Variants in MAPK8IP3 observed in about 807,000 individuals in gnomAD.
MAPK8IP3 encodes mitogen-activated protein kinase 8 interacting protein 3, also known as C-Jun-amino-terminal kinase-interacting protein 3.
Under a neutral mutation model 157.8 loss-of-function variants are expected in MAPK8IP3, and 49 were observed. The ratio of observed to expected loss-of-function variants is 0.31; its 90% CI spans 0.25 to 0.39. The LOEUF (loss-of-function observed/expected upper bound fraction) is 0.39. Among genes scored for constraint, MAPK8IP3 ranks in the 10% least tolerant of loss-of-function variants. MAPK8IP3 has a pLI of 1.00. For synonymous variants in MAPK8IP3, 897 were observed against 777.7 expected, an observed-to-expected ratio of 1.15 and a Z score of -2.55; for missense variants, 1,478 against 1,889.4, an observed-to-expected ratio of 0.78 and a Z score of 4.04.
chr16:1,757,528 T>G (rs1489963574), intron 8 of MAPK8IP3, among the ~76,000 whole-genome samples: 3 of 152,148 alleles, frequency 2.0e-5, no homozygotes, highest in Non-Finnish European at 4.4e-5. Context: ...CAGCCTCCTG[T>G]GCAGGGAGGG....
At chr16:1,734,803 C>T (rs938454860) in intron 4 of MAPK8IP3, among the ~76,000 whole-genome samples, 3 of 152,276 alleles carry the variant, frequency 2.0e-5, no homozygotes, top group Non-Finnish European at 4.4e-5. Context: ...ATGAGGGCGC[C>T]GTCCATCCTC....
Position 1,747,170 on chromosome 16 carries a change from G to C in MAPK8IP3, c.889G>C (p.Gly297Arg). The C allele has an allele frequency of 6.2e-7, 1 of 1,614,014 alleles. No individual in the cohort carries two copies. Among genetic ancestry groups the C allele is most frequent in the Non-Finnish European group, 8.5e-7 (1 of 1,180,020 alleles). ...TPLNESLQPL[G>R]DYGVGSKNSK... ...CCTCAACGAGAGCCTGCAGCCCCTG[G>C]GGGACTATGGCGTGGGCTCCAAGAA... The change falls in exon 6 of 32, where the codon GGG (glycine) becomes CGG (arginine). Residue 297 changes from glycine (G) to arginine (R), a missense_variant. Around this residue, in one of 11 missense-constraint regions of MAPK8IP3, gnomAD observed 315 missense variants for 394.4 expected, o/e 0.80. Coordinates refer to ENST00000610761, the MANE Select transcript of MAPK8IP3 (RefSeq NM_001318852.2).
At chr16:1,730,370 G>A (rs1467187091) in intron 4 of MAPK8IP3, among the ~76,000 whole-genome samples, 7 of 152,224 alleles carry the variant, frequency 4.6e-5, no homozygotes, top group East Asian at 1.9e-4. Flanking sequence ...TTGGGAGGCC[G>A]AGGTGGGTGG....
In MAPK8IP3 at chr16:1,738,332, G is replaced by A. The variant is rs533035769; in HGVS notation, c.603-5000G>A. Among the ~76,000 whole-genome samples, 10 of 100,416 alleles carry A rather than the reference G, an allele frequency of 1.0e-4. 1 individual carries two copies. Among genetic ancestry groups the A allele is most frequent in the Admixed American group, 2.1e-4 (2 of 9,458 alleles). 65.9% of individuals were successfully genotyped at this position (100,416 alleles called of 152,430 possible). ...ACCGTCCGTGTGAGCATCCGTGAGC[G>A]TGTGACCGTCCGTGTGTGTGACCAT... On this transcript the variant is annotated intron_variant, in intron 4 of 31. Transcript: ENST00000610761.
At chr16:1,735,579 G>A (rs558073149) in intron 4 of MAPK8IP3, among the ~76,000 whole-genome samples, 73 of 143,864 alleles carry the variant, frequency 5.1e-4, no homozygotes, top group African/African-American at 1.7e-3. Context: ...GTGAGAGTCC[G>A]TGTGACCATC....
Position 1,767,689 on chromosome 16 carries a change from G to A in MAPK8IP3, c.3363G>A (p.Gln1121=). ...GGCTCTACCATGCACACACGCACCA[G>A]CATCTACAGGACGTGGACATTGAGC... ...TLRLYHAHTH[Q]HLQDVDIEPY... The change falls in exon 27 of 32, where the codon CAG becomes CAA. Residue 1121 remains glutamine, a synonymous_variant. Coordinates refer to ENST00000610761, the MANE Select transcript of MAPK8IP3 (RefSeq NM_001318852.2). The A allele has an allele frequency of 6.2e-7, 1 of 1,612,822 alleles. No individual in the cohort carries two copies. Among genetic ancestry groups the A allele is most frequent in the South Asian group, 1.1e-5 (1 of 91,086 alleles).
At chr16:1,747,642 T>C (rs2041045693) in intron 6 of MAPK8IP3, among the ~76,000 whole-genome samples, 1 of 152,246 alleles carries the variant, frequency 6.6e-6, no homozygotes, top group South Asian at 2.1e-4. Context: ...AGGGGGTATC[T>C]ATTAACATAT....
intron 1 of MAPK8IP3, among the ~76,000 whole-genome samples, chr16:1,712,985 C>G (rs1438028607): frequency 6.6e-6 from 1 of 152,242 alleles, no homozygotes; most frequent in African/African-American, 2.4e-5. Context: ...CCTGTTGTTT[C>G]CTTTTCTCGG....
At position 1,706,242 on chromosome 16, in the gene MAPK8IP3, G is replaced by A; in HGVS notation, c.-98G>A. 8.8e-7 allele frequency: 1 copy of A among 1,134,472 alleles called. No homozygotes were observed. The highest frequency in any genetic ancestry group is 3.1e-5 in the East Asian group (1 of 31,786). 70.3% of individuals were successfully genotyped at this position (1,134,472 alleles called of 1,614,324 possible). ...GAGCCCTGAGGCGACAGCAGCTGCG[G>A]GAGGCGACGGGCTGCGGCCTGCGGA... is the stretch of plus-strand genomic sequence containing the variant. On this transcript the variant is annotated 5_prime_UTR_variant, in exon 1 of 32. Transcript: ENST00000610761. The surrounding 1 kb of genome is among the most constrained non-coding windows in gnomAD (Gnocchi z 5.1).
chr16:1,764,561 C>T, intron 19 of MAPK8IP3, 102 bp downstream of exon 19: 1 of 1,457,654 alleles, frequency 6.9e-7, no homozygotes, highest in Middle Eastern at 2.5e-4. Context: ...CTGGGGACAG[C>T]ACCCGGAAGC....
At chr16:1,723,765 C>G in intron 1 of MAPK8IP3, among the ~76,000 whole-genome samples, 1 of 152,248 alleles carries the variant, frequency 6.6e-6, no homozygotes, top group East Asian at 1.9e-4. Flanking sequence ...AGGAACTACA[C>G]TTATGGCATC....
rs768002751 is a variant in MAPK8IP3, at chr16:1,706,510, G to T, written c.171G>T (p.Pro57=). The T allele has an allele frequency of 6.2e-7, 1 of 1,614,084 alleles. No homozygotes were observed. Among genetic ancestry groups the T allele is most frequent in the Non-Finnish European group, 8.5e-7 (1 of 1,179,978 alleles). ...YDEEVVKELM[P]LVVNVLENLD... is the part of the protein sequence containing the mutation. Reference sequence around the variant, plus strand: ...AGGAGGTGGTCAAGGAGCTCATGCCGCTGGTGGTGAACGTGCTGGAGAACC... The same window carrying T: ...AGGAGGTGGTCAAGGAGCTCATGCCTCTGGTGGTGAACGTGCTGGAGAACC... Residue 57 remains proline (P), a synonymous_variant, in exon 1 of 32, where the codon CCG becomes CCT. Coordinates refer to ENST00000610761, the MANE Select transcript of MAPK8IP3 (RefSeq NM_001318852.2). The surrounding 1 kb of genome is among the most constrained non-coding windows in gnomAD (Gnocchi z 5.1).
chr16:1,714,267 A>G (rs1424064436), intron 1 of MAPK8IP3: 1 of 152,208 alleles, frequency 6.6e-6, no homozygotes, highest in African/African-American at 2.4e-5. Flanking sequence ...CCCCGTTGGC[A>G]GGGTGTTGGG....
At chr16:1,722,050 G>T (rs372409398) in intron 1 of MAPK8IP3, among the ~76,000 whole-genome samples, 3 of 151,992 alleles carry the variant, frequency 2.0e-5, no homozygotes, top group Non-Finnish European at 4.4e-5. Context: ...GATTACAGGC[G>T]TGAGCCACCG....
At chr16:1,737,829 C>CGT (rs1567168240) in intron 4 of MAPK8IP3, among the ~76,000 whole-genome samples, 3 of 73,002 alleles carry the variant, frequency 4.1e-5, no homozygotes, top group Non-Finnish European at 7.5e-5. Context: ...TCCGTGTGAG[C>CGT]GTGACTGTCC....
intron 1 of MAPK8IP3, among the ~76,000 whole-genome samples, chr16:1,720,850 C>T (rs546581247): frequency 8.6e-5 from 13 of 152,034 alleles, no homozygotes; most frequent in East Asian, 1.9e-4. Flanking sequence ...CTGGCTAACA[C>T]GGTGAAACCC....
chr16:1,711,812 C>T (rs1045102102), intron 1 of MAPK8IP3, among the ~76,000 whole-genome samples: 16 of 151,864 alleles, frequency 1.1e-4, no homozygotes, highest in Non-Finnish European at 4.4e-5. Flanking sequence ...TGGTGATGCA[C>T]ACCTGTACTC....
At chr16:1,761,336 G>A in intron 13 of MAPK8IP3, 31 bp downstream of exon 13, 2 of 1,591,794 alleles carry the variant, frequency 1.3e-6, no homozygotes, top group East Asian at 4.5e-5. Context: ...TCACATGCGG[G>A]GCGTCCACCA....
chr16:1,735,257 C>T (rs530896592), intron 4 of MAPK8IP3, among the ~76,000 whole-genome samples: 7 of 150,810 alleles, frequency 4.6e-5, no homozygotes, highest in Non-Finnish European at 1.0e-4. Context: ...TGTGAGCATC[C>T]GTGTGAGCAT....
Sources: gnomAD v4.1 joint callset for allele counts (sites outside exome capture counted in the v4.1 genomes callset) on GRCh38, gnomAD v4.1.1 for gene constraint, gnomAD v4.1.1 regional missense constraint, Gnocchi (gnomAD v3.1) non-coding constraint, MANE v1.5 for transcripts, NCBI Gene and HGNC (gene_info 2026-07-23, HGNC 2026-07-21) for gene names.